The following ERBIN variants were observed in gnomAD, a reference collection of about 807,000 sequenced individuals.
ERBIN encodes the protein densin-180-like protein.
A neutral mutation model predicts 158.4 loss-of-function variants in ERBIN; 60 were observed. That is an observed-to-expected ratio of 0.38 (90% CI 0.31 to 0.47). The LOEUF (loss-of-function observed/expected upper bound fraction) is 0.47. Among genes scored for constraint, ERBIN ranks in the 20% least tolerant of loss-of-function variants. The pLI, the probability that ERBIN is intolerant of heterozygous loss-of-function variation, is 0.99. For missense variants in ERBIN, 1,610 were observed against 1,648.0 expected (o/e 0.98, Z 0.40); for synonymous variants, 594 against 557.2 (o/e 1.07, Z -0.93).
chr5:65,963,792 C>CTTTTTTTTTT (rs5868429), intron 1 of ERBIN, among the ~76,000 whole-genome samples: 1 of 122,978 alleles, frequency 8.1e-6, no homozygotes, highest in Non-Finnish European at 1.8e-5. Context: ...TCTTTCTTTT[C>CTTTTTTTTTT]TTTTTTTTTT....
intron 5 of ERBIN, among the ~76,000 whole-genome samples, chr5:66,012,834 G>T (rs1177527570): frequency 6.6e-6 from 1 of 152,134 alleles, no homozygotes; most frequent in Admixed American, 6.6e-5. Flanking sequence ...GCTAACACAC[G>T]TAGGTTGTTA....
At chr5:66,034,452 G>A (rs1051715394) in intron 14 of ERBIN, among the ~76,000 whole-genome samples, 3 of 151,822 alleles carry the variant, frequency 2.0e-5, no homozygotes, top group Non-Finnish European at 4.4e-5. Context: ...ACCACACCCA[G>A]CTTTTTGTAT....
At position 66,058,741 on chromosome 5, in the gene ERBIN, G is replaced by T. The variant is rs1025927646; in HGVS notation, c.3633+3790G>T. Among the ~76,000 whole-genome samples, 4 of 148,776 alleles carry T rather than the reference G, an allele frequency of 2.7e-5. No homozygotes were observed. The East Asian group carries it at 7.7e-4, about 29-fold the overall frequency. On this transcript the variant is annotated intron_variant, in intron 21 of 25. Coordinates refer to ENST00000284037, the MANE Select transcript of ERBIN (RefSeq NM_001253697.2). ...GGTGTAAGGAAGGGATCCAGTTTCA[G>T]CTTTCTCCATATGGCTAGCCAGTTT... is the stretch of plus-strand genomic sequence containing the variant.
chr5:65,938,232 A>T (rs750572561), intron 1 of ERBIN, among the ~76,000 whole-genome samples: 7 of 152,206 alleles, frequency 4.6e-5, no homozygotes, highest in Non-Finnish European at 7.3e-5. Flanking sequence ...TTATCTGGCT[A>T]TTTAAATAAA....
intron 7 of ERBIN, among the ~76,000 whole-genome samples, chr5:66,020,147 TG>T (rs1755535783): frequency 6.6e-6 from 1 of 151,994 alleles, no homozygotes; most frequent in South Asian, 2.1e-4. Context: ...TTATAAAAAT[TG>T]GCATTATGAG....
At chr5:66,076,846 TA>T in intron 24 of ERBIN, 28 bp from the exon 25 acceptor site, 1 of 1,517,248 alleles carries the variant, frequency 6.6e-7, no homozygotes, top group Non-Finnish European at 9.1e-7. Context: ...ATACTGTTTT[TA>T]GTTAAATAAT....
intron 1 of ERBIN, among the ~76,000 whole-genome samples, chr5:65,938,907 A>AG (rs1744424069): frequency 6.6e-6 from 1 of 152,128 alleles, no homozygotes. Flanking sequence ...TGCCCCTTGA[A>AG]GGTGTCATCA....
chr5:66,076,458 G>T, intron 24 of ERBIN, 50 bp downstream of exon 24: 2 of 1,310,690 alleles, frequency 1.5e-6, no homozygotes, highest in Non-Finnish European at 2.2e-6. Flanking sequence ...TTTATTTACC[G>T]ATTGAATACT....
chr5:66,026,024 C>G (rs755970154), intron 12 of ERBIN, 47 bp downstream of exon 12: 18 of 1,478,442 alleles, frequency 1.2e-5, no homozygotes, highest in Admixed American at 4.5e-5. Flanking sequence ...TCATTTTTTT[C>G]TGATTATCTT....
chr5:65,928,623 T>C (rs1291394034), intron 1 of ERBIN, among the ~76,000 whole-genome samples: 2 of 152,218 alleles, frequency 1.3e-5, no homozygotes, highest in Non-Finnish European at 2.9e-5. Flanking sequence ...TGATTTTTTT[T>C]CTCAGGAGAA....
chr5:66,012,207 A>G (rs539241871), intron 5 of ERBIN, 80 bp downstream of exon 5: 4 of 940,486 alleles, frequency 4.3e-6, no homozygotes, highest in Middle Eastern at 2.6e-4. Flanking sequence ...TACATATTTT[A>G]ACAAAAATTT....
chr5:65,933,122 C>T (rs1315328804), intron 1 of ERBIN, among the ~76,000 whole-genome samples: 1 of 152,186 alleles, frequency 6.6e-6, no homozygotes, highest in Non-Finnish European at 1.5e-5. Flanking sequence ...TATTTTTGGT[C>T]TGCATGTAAC....
At chr5:65,965,452 C>T (rs1748492637) in intron 1 of ERBIN, among the ~76,000 whole-genome samples, 1 of 139,602 alleles carries the variant, frequency 7.2e-6, no homozygotes, top group Non-Finnish European at 1.5e-5. Flanking sequence ...GTTGCCCGAG[C>T]TGGAGTACAG....
At chr5:66,002,660 G>C (rs1364333713) in intron 4 of ERBIN, among the ~76,000 whole-genome samples, 1 of 152,138 alleles carries the variant, frequency 6.6e-6, no homozygotes, top group Non-Finnish European at 1.5e-5. Flanking sequence ...TGAATTGAAA[G>C]TTTGTGGTCA....
At chr5:65,940,927 T>G (rs946727026) in intron 1 of ERBIN, among the ~76,000 whole-genome samples, 5 of 152,118 alleles carry the variant, frequency 3.3e-5, no homozygotes, top group African/African-American at 1.2e-4. Flanking sequence ...CATGTCTGTG[T>G]AGAAAGAGGT....
intron 1 of ERBIN, among the ~76,000 whole-genome samples, chr5:65,952,079 T>C (rs1306501383): frequency 6.6e-6 from 1 of 152,206 alleles, no homozygotes; most frequent in African/African-American, 2.4e-5. Flanking sequence ...TTCTGTGGGA[T>C]GACTGCCAGA....
At chr5:66,022,261 T>C (rs1348474555) in intron 8 of ERBIN, among the ~76,000 whole-genome samples, 3 of 152,188 alleles carry the variant, frequency 2.0e-5, no homozygotes, top group African/African-American at 7.2e-5. Context: ...ATATTTGTTC[T>C]GTATGAATCC....
chr5:65,962,230 C>T (rs1424014722), intron 1 of ERBIN, among the ~76,000 whole-genome samples: 2 of 152,072 alleles, frequency 1.3e-5, no homozygotes, highest in African/African-American at 4.8e-5. Context: ...ACTTGTGTCC[C>T]AAAATGTATA....
intron 1 of ERBIN, among the ~76,000 whole-genome samples, chr5:65,947,577 T>C (rs1304801902): frequency 6.6e-6 from 1 of 152,234 alleles, no homozygotes; most frequent in East Asian, 1.9e-4. Flanking sequence ...AATACATTAC[T>C]TTTAAGTAAT....
Sources: allele counts gnomAD v4.1 joint callset (sites outside exome capture counted in the v4.1 genomes callset), GRCh38; gene constraint gnomAD v4.1.1; transcripts MANE v1.5; gene names NCBI Gene and HGNC (gene_info 2026-07-23, HGNC 2026-07-21).